Variants in CDC14A observed in about 807,000 individuals in gnomAD.
CDC14A encodes the protein dual specificity protein phosphatase CDC14A.
In CDC14A, 53 loss-of-function variants were observed where a neutral mutation model predicts 74.4. The observed-to-expected ratio is 0.71, with a 90% CI of 0.57 to 0.89. The LOEUF (loss-of-function observed/expected upper bound fraction) is 0.89, where lower values mean the gene tolerates loss of function less well. CDC14A is among the 40% of genes least tolerant of loss of function. CDC14A has a pLI of 0.00. For missense variants in CDC14A, 646 were observed against 713.7 expected, an observed-to-expected ratio of 0.91 and a Z score of 1.08; for synonymous variants, 247 against 258.4, an observed-to-expected ratio of 0.96 and a Z score of 0.43.
chr1:100,352,797 C>G lies in CDC14A; in HGVS notation c.-158C>G. ...CCCGGGGCGCCCGGCGCGCTGACCC[C>G]GAAGCCGCCTCCGCCTTCGGCGCCT... is the stretch of plus-strand genomic sequence containing the variant. On this transcript the variant is annotated 5_prime_UTR_variant, in exon 1 of 16. Transcript: ENST00000336454. 2.1e-6 allele frequency: 3 copies of G among 1,439,004 alleles called. No homozygotes were observed. Among genetic ancestry groups the G allele is most frequent in the Non-Finnish European group, 2.7e-6 (3 of 1,102,952 alleles). 89.1% of individuals were successfully genotyped at this position (1,439,004 alleles called of 1,614,324 possible).
chr1:100,478,841 T>C (rs181491249), intron 10 of CDC14A, among the ~76,000 whole-genome samples: 2 of 152,198 alleles, frequency 1.3e-5, no homozygotes, highest in Admixed American at 1.3e-4. Flanking sequence ...TTGCAAGCCT[T>C]CCATTGTCTT....
intron 15 of CDC14A, among the ~76,000 whole-genome samples, chr1:100,501,751 G>GTGT (rs1256345320): frequency 2.0e-5 from 3 of 152,190 alleles, no homozygotes; most frequent in Non-Finnish European, 4.4e-5. Context: ...ACAGCTCCAT[G>GTGT]TGTTACTGCT....
chr1:100,387,677 A>G (rs1407142442), intron 3 of CDC14A, among the ~76,000 whole-genome samples: 2 of 152,206 alleles, frequency 1.3e-5, no homozygotes, highest in African/African-American at 2.4e-5. Flanking sequence ...AAATCTTTAA[A>G]GTGTTAATTT....
chr1:100,426,375 A>T (rs2101085958), intron 5 of CDC14A, among the ~76,000 whole-genome samples: 1 of 152,276 alleles, frequency 6.6e-6, no homozygotes, highest in South Asian at 2.1e-4. Flanking sequence ...AGCCTCCCAA[A>T]GTGCTGGGAT....
chr1:100,360,945 C>CT (rs1212799168), intron 2 of CDC14A, among the ~76,000 whole-genome samples: 2 of 152,076 alleles, frequency 1.3e-5, no homozygotes, highest in Non-Finnish European at 2.9e-5. Flanking sequence ...CTTCCAAGTT[C>CT]TTTCTGTGCC....
intron 7 of CDC14A, among the ~76,000 whole-genome samples, chr1:100,448,490 AG>A (rs1665791660): frequency 6.6e-6 from 1 of 152,232 alleles, no homozygotes; most frequent in African/African-American, 2.4e-5. Flanking sequence ...CCTTGACAAC[AG>A]TCACCGCACA....
chr1:100,399,225 C>T (rs1571067881), intron 4 of CDC14A, among the ~76,000 whole-genome samples: 1 of 152,184 alleles, frequency 6.6e-6, no homozygotes, highest in East Asian at 1.9e-4. Flanking sequence ...TATGTTTTGC[C>T]ATTTTGCTAT....
chr1:100,443,044 A>AT (rs758647261), intron 7 of CDC14A, 48 bp downstream of exon 7: 8 of 1,286,574 alleles, frequency 6.2e-6, no homozygotes, highest in East Asian at 2.3e-5. Flanking sequence ...ATGTTGATTA[A>AT]TTTTTTCCCC....
upstream of CDC14A, chr1:100,351,793 G>A (rs1651039734): frequency 7.7e-6 from 12 of 1,550,438 alleles, no homozygotes; most frequent in South Asian, 1.2e-4. Flanking sequence ...CAAAGTACAA[G>A]TTATATCAGA....
intron 2 of CDC14A, among the ~76,000 whole-genome samples, chr1:100,366,777 A>G (rs1281173939): frequency 1.3e-5 from 2 of 152,194 alleles, no homozygotes; most frequent in Admixed American, 6.5e-5. Flanking sequence ...TTAGCTATTT[A>G]CACTTACTGA....
intron 1 of CDC14A, among the ~76,000 whole-genome samples, chr1:100,345,925 C>CA (rs1393888570): frequency 6.6e-6 from 1 of 152,156 alleles, no homozygotes; most frequent in East Asian, 1.9e-4. Flanking sequence ...GTAATCCCAG[C>CA]ACTTAGGGAG....
intron 7 of CDC14A, among the ~76,000 whole-genome samples, chr1:100,454,035 A>G (rs1666420607): frequency 6.6e-6 from 1 of 152,164 alleles, no homozygotes; most frequent in Non-Finnish European, 1.5e-5. Context: ...TATAACTGGG[A>G]AAAAAATCTG....
chr1:100,401,759 C>T (rs956094696), intron 4 of CDC14A, among the ~76,000 whole-genome samples: 4 of 152,074 alleles, frequency 2.6e-5, no homozygotes, highest in African/African-American at 9.7e-5. Flanking sequence ...ATTCATGGGG[C>T]CGGCCACGGT....
At chr1:100,391,601 A>C (rs1657705739) in intron 4 of CDC14A, among the ~76,000 whole-genome samples, 1 of 152,094 alleles carries the variant, frequency 6.6e-6, no homozygotes, top group Non-Finnish European at 1.5e-5. Flanking sequence ...ATTTCCCCTC[A>C]TCCTTGGGGA....
intron 4 of CDC14A, among the ~76,000 whole-genome samples, chr1:100,417,883 A>T (rs546435046): frequency 1.3e-5 from 2 of 152,238 alleles, no homozygotes; most frequent in Admixed American, 1.3e-4. Flanking sequence ...CTGAGCATCT[A>T]TCTGACAGGA....
At chr1:100,418,799 G>A (rs1661868577) in intron 4 of CDC14A, among the ~76,000 whole-genome samples, 1 of 152,138 alleles carries the variant, frequency 6.6e-6, no homozygotes, top group Non-Finnish European at 1.5e-5. Flanking sequence ...AAAATTTTTT[G>A]TAAAATATGA....
intron 10 of CDC14A, 80 bp from the exon 11 acceptor site, chr1:100,484,212 A>G (rs1571311417): frequency 4.1e-6 from 3 of 734,528 alleles, no homozygotes; most frequent in Non-Finnish European, 6.2e-6. Context: ...TTTATAAGAC[A>G]TCATACCTTT....
chr1:100,457,553 T>G (rs1666834074), intron 8 of CDC14A, among the ~76,000 whole-genome samples: 1 of 151,870 alleles, frequency 6.6e-6, no homozygotes, highest in Non-Finnish European at 1.5e-5. Context: ...TGAACTCCTG[T>G]CCTCAAATGA....
chr1:100,447,077 A>G (rs1245248901), intron 7 of CDC14A, among the ~76,000 whole-genome samples: 2 of 152,156 alleles, frequency 1.3e-5, no homozygotes, highest in Non-Finnish European at 2.9e-5. Flanking sequence ...ACATGTAGCT[A>G]GAGTATGGAT....
Sources: allele counts gnomAD v4.1 joint callset (sites outside exome capture counted in the v4.1 genomes callset), GRCh38; gene constraint gnomAD v4.1.1; transcripts MANE v1.5; gene names NCBI Gene and HGNC (gene_info 2026-07-23, HGNC 2026-07-21).